FCHO1: variants seen among roughly 807,000 people sequenced by gnomAD.
The protein encoded by FCHO1 is F-BAR domain only protein 1.
Under a neutral mutation model 114.4 loss-of-function variants are expected in FCHO1, and 45 were observed. That is an observed-to-expected ratio of 0.39 (90% confidence interval 0.31 to 0.50). FCHO1 has a LOEUF of 0.50. Among genes scored for constraint, FCHO1 ranks in the 20% least tolerant of loss-of-function variants. The pLI is 0.77. For missense variants in FCHO1, 1,042 were observed against 1,209.6 expected (o/e 0.86, Z 2.06); for synonymous variants, 480 against 488.9 (o/e 0.98, Z 0.24).
chr19:17,784,202 C>T lies in FCHO1; in HGVS notation c.2193C>T (p.Ala731=), dbSNP rs1362700220. 2 of 1,613,174 alleles carry T rather than the reference C, an allele frequency of 1.2e-6. No homozygotes were observed. Among genetic ancestry groups the T allele is most frequent in the Non-Finnish European group, 1.7e-6 (2 of 1,179,626 alleles). The change falls in exon 25 of 29, where the codon GCC becomes GCT. Residue 731 remains alanine, a synonymous_variant. Transcript: ENST00000596536. The surrounding 1 kb of genome is among the most constrained non-coding windows in gnomAD (Gnocchi z 5.3). The part of the protein sequence containing the change: ...LQRQAEQNPT[A]SYYNVVLLRY... ...GCCAGGCAGAGCAGAACCCCACTGC[C>T]TCCTACTACAACGTGGTGCTGCTGC... is the stretch of plus-strand genomic sequence containing the variant.
chr19:17,762,627 A>ATAGGAAATGC, intron 4 of FCHO1, 135 bp from the exon 5 acceptor site: 1 of 744,348 alleles, frequency 1.3e-6, no homozygotes, highest in Non-Finnish European at 2.5e-6. Flanking sequence ...GAAATGCAGC[A>ATAGGAAATGC]AGCTGATTCG....
chr19:17,755,030 T>C, intron 3 of FCHO1, 88 bp from the exon 4 acceptor site: 2 of 837,938 alleles, frequency 2.4e-6, no homozygotes, highest in Non-Finnish European at 4.2e-6. Flanking sequence ...CTTCATCCTT[T>C]CTCTCCTTCC....
rs1482731179 is a variant in FCHO1 at position 17,770,469 on chromosome 19, C to T, written c.381C>T (p.Leu127=). ...VVSTLDAVQV[L]SGVSQLLPKS... ...GCACCTTGGATGCTGTGCAGGTACT[C>T]TCGGGCGTCAGCCAGCTCCTGCCCA... Residue 127 remains leucine (L), a synonymous_variant, in exon 8 of 29, where the codon CTC becomes CTT. Coordinates refer to ENST00000596536, the MANE Select transcript of FCHO1 (RefSeq NM_015122.3). 1.9e-6 allele frequency: 3 copies of T among 1,613,772 alleles called. No individual in the cohort carries two copies. Among genetic ancestry groups the T allele is most frequent in the African/African-American group, 2.7e-5 (2 of 74,924 alleles).
At chr19:17,772,897 A>G (rs903912068) in intron 11 of FCHO1, among the ~76,000 whole-genome samples, 156 bp downstream of exon 11, 6 of 152,088 alleles carry the variant, frequency 3.9e-5, no homozygotes, top group South Asian at 2.1e-4. Flanking sequence ...TCTTGACCTC[A>G]GGTGATCTGC....
At chr19:17,753,654 C>T (rs1046146601) in intron 1 of FCHO1, 1 of 152,190 alleles carries the variant, frequency 6.6e-6, no homozygotes. Flanking sequence ...GATAATGGGT[C>T]CAATTAAACT....
At chr19:17,764,499 T>C (rs1464478370) in intron 6 of FCHO1, 50 bp downstream of exon 6, 13 of 1,476,800 alleles carry the variant, frequency 8.8e-6, no homozygotes, top group Admixed American at 5.8e-5. Flanking sequence ...GCCTCCTCCT[T>C]GGTGGACATC....
At chr19:17,788,133 G>T in intron 28 of FCHO1, 151 bp from the exon 29 acceptor site, 1 of 735,772 alleles carries the variant, frequency 1.4e-6, no homozygotes, top group Non-Finnish European at 2.4e-6. Context: ...CCCAACAAGG[G>T]GCTCCTGGGG....
Position 17,770,845 on chromosome 19 carries a change from A to G in FCHO1, c.543A>G (p.Lys181=), listed in dbSNP as rs1196116318. 9 of 1,614,172 alleles carry G rather than the reference A, an allele frequency of 5.6e-6. No individual in the cohort carries two copies. Among genetic ancestry groups the G allele is most frequent in the Non-Finnish European group, 7.6e-6 (9 of 1,180,044 alleles). The change falls in exon 9 of 29, where the codon AAA becomes AAG. Residue 181 remains lysine (K), a synonymous_variant. Coordinates refer to ENST00000596536, the MANE Select transcript of FCHO1 (RefSeq NM_015122.3). ...AAESLRRSVE[K]YNSARADFEQ... Reference sequence around the variant, plus strand: ...AGAGCCTGCGGCGCTCAGTGGAAAAATACAACTCAGCCCGAGCTGACTTTG... The same window carrying G: ...AGAGCCTGCGGCGCTCAGTGGAAAAGTACAACTCAGCCCGAGCTGACTTTG...
chr19:17,755,356 C>T (rs2083097265), intron 4 of FCHO1, 165 bp downstream of exon 4: 2 of 633,762 alleles, frequency 3.2e-6, no homozygotes, highest in Non-Finnish European at 5.6e-6. Flanking sequence ...AATCCACACC[C>T]ACCCCAGACC....
rs767199449 is a variant in FCHO1 at position 17,784,843 on chromosome 19, C to T, written c.2345C>T (p.Pro782Leu). ...TACCGGCCCGGTGCCACGGCTGTGC[C>T]CACACCACTCACGAACGTCCAGATC... ...YGYRPGATAV[P>L]TPLTNVQILL... Residue 782 changes from proline to leucine, a missense_variant, in exon 26 of 29, where the codon CCC (proline) becomes CTC (leucine). Pro to Leu is a moderately conservative substitution (Grantham distance 98, BLOSUM62 -3). This residue lies in a region of FCHO1 where 137 missense variants were observed against 190.0 expected (regional missense o/e 0.72). Coordinates refer to ENST00000596536, the MANE Select transcript of FCHO1 (RefSeq NM_015122.3). The surrounding 1 kb of genome is among the most constrained non-coding windows in gnomAD (Gnocchi z 5.3). 12 of 1,613,780 alleles carry T rather than the reference C, an allele frequency of 7.4e-6. No homozygotes were observed. The highest frequency in any genetic ancestry group is 2.2e-5 in the South Asian group (2 of 91,088).
chr19:17,783,999 G>C, intron 24 of FCHO1, 104 bp from the exon 25 acceptor site: 2 of 1,414,118 alleles, frequency 1.4e-6, no homozygotes, highest in South Asian at 1.3e-5. Flanking sequence ...GCTGGGCCCA[G>C]GGTGGGCCAG....
chr19:17,775,590 C>T lies in FCHO1; in HGVS notation c.1003+77C>T. On this transcript the variant is annotated intron_variant, in intron 15 of 28. Coordinates refer to ENST00000596536, the MANE Select transcript of FCHO1 (RefSeq NM_015122.3). The surrounding 1 kb of genome is among the most constrained non-coding windows in gnomAD (Gnocchi z 5.1). Reference sequence around the variant, plus strand: ...TTCTCCGTAATAACCAGTCCACCTTCAGCAGTCCTCTCTGTGTACATCCTG... The same window carrying T: ...TTCTCCGTAATAACCAGTCCACCTTTAGCAGTCCTCTCTGTGTACATCCTG... 1 of 1,307,372 alleles carries T rather than the reference C, an allele frequency of 7.6e-7. No individual in the cohort carries two copies. Among genetic ancestry groups the T allele is most frequent in the East Asian group, 2.3e-5 (1 of 43,414 alleles). 81.0% of individuals were successfully genotyped at this position (1,307,372 alleles called of 1,614,324 possible).
intron 10 of FCHO1, 38 bp downstream of exon 10, chr19:17,772,593 C>T: frequency 6.2e-7 from 1 of 1,613,212 alleles, no homozygotes; most frequent in Non-Finnish European, 8.5e-7. Flanking sequence ...GCTGGGGTCA[C>T]TGCTGGGCAA....
rs1490162419 is a variant in FCHO1, at chr19:17,775,176, G to A, written c.945+96G>A. 7.2e-7 allele frequency: 1 copy of A among 1,398,078 alleles called. No individual in the cohort carries two copies. Among genetic ancestry groups the A allele is most frequent in the Non-Finnish European group, 9.8e-7 (1 of 1,015,900 alleles). The allele number at this position is 1,398,078 out of a possible 1,614,324, so 86.6% of individuals were successfully genotyped here. ...GTCCCGATCCCTACTGGAAACTAAA[G>A]AGCCGAGATTGAGGGGCGGGCTGGA... On this transcript the variant is annotated intron_variant, in intron 14 of 28. Coordinates refer to ENST00000596536, the MANE Select transcript of FCHO1 (RefSeq NM_015122.3). The surrounding 1 kb of genome is among the most constrained non-coding windows in gnomAD (Gnocchi z 5.1).
chr19:17,764,288 G>A (rs1312299796), intron 5 of FCHO1, 87 bp from the exon 6 acceptor site: 13 of 1,357,970 alleles, frequency 9.6e-6, no homozygotes, highest in East Asian at 2.3e-5. Context: ...TGATCCGTCC[G>A]CCTCGGCCTC....
At chr19:17,779,091 G>A (rs1568363338) in intron 20 of FCHO1, among the ~76,000 whole-genome samples, 1 of 152,172 alleles carries the variant, frequency 6.6e-6, no homozygotes, top group Non-Finnish European at 1.5e-5. Flanking sequence ...CCCTGAGGAA[G>A]GGACATCTGA....
chr19:17,764,444 C>G lies in FCHO1; in HGVS notation c.189C>G (p.Pro63=). The change falls in exon 6 of 29, where the codon CCC becomes CCG. Residue 63 remains proline (P), a synonymous_variant. Coordinates refer to ENST00000596536, the MANE Select transcript of FCHO1 (RefSeq NM_015122.3). The stretch of plus-strand genomic sequence containing the variant: ...CCAAGCTGGCCAGCAACGGGACCCC[C>G]ATGGGGTGAGTGGGGTAGGGGTCAC... ...KLSKLASNGT[P]MGTFAPLWEV... is the part of the protein sequence containing the mutation. 1 of 1,612,212 alleles carries G rather than the reference C, an allele frequency of 6.2e-7. No individual in the cohort carries two copies. The highest frequency in any genetic ancestry group is 8.5e-7 in the Non-Finnish European group (1 of 1,179,124).
chr19:17,775,389 TG>T lies in FCHO1; in HGVS notation c.946-65del. 6.6e-7 allele frequency: 1 copy of T among 1,507,072 alleles called. No homozygotes were observed. The highest frequency in any genetic ancestry group is 1.1e-5 in the South Asian group (1 of 88,892). The allele number at this position is 1,507,072 out of a possible 1,614,324, so 93.4% of individuals were successfully genotyped here. On this transcript the variant is annotated intron_variant, in intron 14 of 28. Coordinates refer to ENST00000596536, the MANE Select transcript of FCHO1 (RefSeq NM_015122.3). The surrounding 1 kb of genome is among the most constrained non-coding windows in gnomAD (Gnocchi z 5.1). ...GCCTGGGGGCAGGGCGGGGGGCGGT[TG>T]GCAGGGTGAGATGGAAGGTTCGATA...
chr19:17,774,729 C>T (rs1458458807), intron 13 of FCHO1: 4 of 587,970 alleles, frequency 6.8e-6, no homozygotes, highest in Middle Eastern at 4.5e-4. Flanking sequence ...CCCAGAGTAA[C>T]GTAGCATCTT....
Sources: gnomAD v4.1 joint callset for allele counts (sites outside exome capture counted in the v4.1 genomes callset) on GRCh38, gnomAD v4.1.1 for gene constraint, gnomAD v4.1.1 regional missense constraint, Gnocchi (gnomAD v3.1) non-coding constraint, MANE v1.5 for transcripts, NCBI Gene and HGNC (gene_info 2026-07-23, HGNC 2026-07-21) for gene names.